Variants in CEP63 observed in about 807,000 individuals in gnomAD.
CEP63 encodes the protein centrosomal protein of 63 kDa.
CEP63 carries 84 observed loss-of-function variants against 89.1 expected under a neutral mutation model. The ratio of observed to expected loss-of-function variants is 0.94; its 90% CI spans 0.79 to 1.13. The LOEUF (loss-of-function observed/expected upper bound fraction) is 1.13. Among genes scored for constraint, CEP63 ranks in the 50% most tolerant of loss-of-function variants. The pLI is 0.00. For missense variants in CEP63, 838 were observed against 813.3 expected (o/e 1.03, Z -0.37); for synonymous variants, 267 against 272.5 (o/e 0.98, Z 0.20).
At chr3:134,599,953 A>G in the CEP63 span, among the ~76,000 whole-genome samples, 4 of 152,230 alleles carry the variant, frequency 2.6e-5, no homozygotes, top group African/African-American at 7.2e-5. Context: ...ATTTTATTGA[A>G]AAACAACACC....
chr3:134,776,672 G>C, the CEP63 span, among the ~76,000 whole-genome samples: 2 of 152,196 alleles, frequency 1.3e-5, no homozygotes, highest in Admixed American at 6.5e-5. Flanking sequence ...TGAGCCTGAA[G>C]TCATGATGAG....
At chr3:134,685,702 ACT>A in the CEP63 span, among the ~76,000 whole-genome samples, 1 of 152,000 alleles carries the variant, frequency 6.6e-6, no homozygotes, top group African/African-American at 2.4e-5. Flanking sequence ...GTATGGAGAA[ACT>A]CTAACTTTAA....
the CEP63 span, among the ~76,000 whole-genome samples, chr3:134,617,143 G>T: frequency 6.6e-6 from 1 of 152,134 alleles, no homozygotes; most frequent in South Asian, 2.1e-4. Context: ...TTCAAATCTG[G>T]CATTCCTTCT....
intron 2 of CEP63, among the ~76,000 whole-genome samples, chr3:134,497,394 G>A (rs1402035751): frequency 2.0e-5 from 3 of 152,036 alleles, no homozygotes; most frequent in Non-Finnish European, 2.9e-5. Flanking sequence ...TTTTAGAGAC[G>A]GGTGTCTCAT....
the CEP63 span, chr3:134,651,007 T>C: frequency 6.2e-7 from 1 of 1,610,900 alleles, no homozygotes; most frequent in Non-Finnish European, 8.5e-7. Flanking sequence ...CACGCTAGGC[T>C]GCTTGCGCTG....
downstream of CEP63, among the ~76,000 whole-genome samples, chr3:134,568,786 C>T (rs550281353): frequency 7.2e-4 from 109 of 152,362 alleles, no homozygotes; most frequent in Middle Eastern, 3.4e-3. Context: ...ATCCACATTT[C>T]TCAAGCTGTT....
At chr3:134,757,381 A>G in the CEP63 span, among the ~76,000 whole-genome samples, 1 of 152,178 alleles carries the variant, frequency 6.6e-6, no homozygotes, top group Non-Finnish European at 1.5e-5. Flanking sequence ...CAGACAAGCA[A>G]AATGAGTTAC....
the CEP63 span, among the ~76,000 whole-genome samples, chr3:134,755,973 C>G: frequency 6.6e-6 from 1 of 152,206 alleles, no homozygotes; most frequent in Non-Finnish European, 1.5e-5. Flanking sequence ...GAGCCCCATC[C>G]AGGGGACAAG....
chr3:134,750,034 G>A, the CEP63 span, among the ~76,000 whole-genome samples: 358 of 152,352 alleles, frequency 2.3e-3, no homozygotes, highest in Non-Finnish European at 4.1e-3. Flanking sequence ...AGTAAGCAAA[G>A]GCTCCCCTGA....
At chr3:134,621,131 G>A in the CEP63 span, among the ~76,000 whole-genome samples, 2 of 152,224 alleles carry the variant, frequency 1.3e-5, no homozygotes, top group African/African-American at 2.4e-5. Context: ...CTGGACAGCT[G>A]TAGCAGCCCC....
the CEP63 span, among the ~76,000 whole-genome samples, chr3:134,656,875 A>G: frequency 6.6e-6 from 1 of 152,234 alleles, no homozygotes; most frequent in Admixed American, 6.5e-5. Context: ...AACAATTTAG[A>G]AAGTGCAAGA....
the CEP63 span, among the ~76,000 whole-genome samples, chr3:134,594,074 G>C: frequency 1.3e-5 from 2 of 152,186 alleles, no homozygotes; most frequent in Non-Finnish European, 2.9e-5. Flanking sequence ...TTAATTTCCA[G>C]ATCTCCTTGG....
At chr3:134,751,497 T>C in the CEP63 span, among the ~76,000 whole-genome samples, 1 of 152,170 alleles carries the variant, frequency 6.6e-6, no homozygotes, top group East Asian at 1.9e-4. Flanking sequence ...CAGGGCACTA[T>C]GACTGCTTAG....
the CEP63 span, among the ~76,000 whole-genome samples, chr3:134,707,743 T>TTTTC: frequency 6.8e-6 from 1 of 147,726 alleles, no homozygotes; most frequent in Admixed American, 6.7e-5. Context: ...TCTTTTCTTT[T>TTTTC]TTTTTTTTTT....
intron 3 of CEP63, among the ~76,000 whole-genome samples, chr3:134,522,468 A>T (rs7649910): frequency 0.66 from 100,905 of 151,774 alleles, 33,957 homozygotes; most frequent in East Asian, 0.82. Flanking sequence ...TTCTTTTTTT[A>T]AAATTTAAAT....
chr3:134,538,553 A>ATATATG (rs1483554365), intron 6 of CEP63, among the ~76,000 whole-genome samples: 1 of 140,388 alleles, frequency 7.1e-6, no homozygotes, highest in East Asian at 2.1e-4. Context: ...ATATATATAT[A>ATATATG]TGTATATATA....
the CEP63 span, among the ~76,000 whole-genome samples, chr3:134,696,313 T>C: frequency 2.0e-5 from 3 of 152,182 alleles, no homozygotes; most frequent in African/African-American, 7.2e-5. Context: ...CTCTGTACTA[T>C]GGCAAAAATC....
chr3:134,581,995 G>A (rs1958367866), intron 10 of CEP63, among the ~76,000 whole-genome samples: 2 of 152,110 alleles, frequency 1.3e-5, no homozygotes, highest in Admixed American at 1.3e-4. Context: ...TTTTAAACCA[G>A]AAATAGAAAT....
intron 12 of CEP63, chr3:134,553,324 C>T (rs568773656): frequency 1.3e-5 from 2 of 152,028 alleles, no homozygotes; most frequent in South Asian, 2.1e-4. Flanking sequence ...AACATCATGA[C>T]GCCATAGAGG....
Sources: allele counts gnomAD v4.1 joint callset (sites outside exome capture counted in the v4.1 genomes callset), GRCh38; gene constraint gnomAD v4.1.1; transcripts MANE v1.5; gene names NCBI Gene and HGNC (gene_info 2026-07-23, HGNC 2026-07-21).